Variants in RPH3A observed in about 807,000 individuals in gnomAD.
RPH3A encodes the protein rabphilin 3A.
In RPH3A, 48 loss-of-function variants were observed where a neutral mutation model predicts 102.2. That is an observed-to-expected ratio of 0.47 (90% confidence interval 0.37 to 0.60). RPH3A has a LOEUF of 0.60. Among genes scored for constraint, RPH3A ranks in the 20% least tolerant of loss-of-function variants. The pLI is 0.00. For missense variants in RPH3A, 781 were observed against 910.1 expected, an observed-to-expected ratio of 0.86 and a Z score of 1.83; for synonymous variants, 310 against 324.3, an observed-to-expected ratio of 0.96 and a Z score of 0.47.
chr12:112,747,366 G>C (rs1017466598), intron 1 of RPH3A, among the ~76,000 whole-genome samples: 1 of 152,076 alleles, frequency 6.6e-6, no homozygotes, highest in Admixed American at 6.6e-5. Context: ...CCAGGAAGTG[G>C]GTCCTCATCA....
intron 4 of RPH3A, among the ~76,000 whole-genome samples, chr12:112,843,620 C>T (rs1301192670): frequency 6.6e-6 from 1 of 152,196 alleles, no homozygotes; most frequent in African/African-American, 2.4e-5. Flanking sequence ...TTAGGTCAGG[C>T]TGGCTCCTGA....
intron 19 of RPH3A, among the ~76,000 whole-genome samples, chr12:112,891,615 T>A (rs1157245550): frequency 6.6e-6 from 1 of 152,166 alleles, no homozygotes; most frequent in Non-Finnish European, 1.5e-5. Context: ...AAGTCTGACC[T>A]GAGTGAGGGG....
intron 6 of RPH3A, 49 bp downstream of exon 6, chr12:112,865,592 G>T (rs2042598881): frequency 6.3e-7 from 1 of 1,595,046 alleles, no homozygotes; most frequent in African/African-American, 1.4e-5. Flanking sequence ...CCTGCAGAGG[G>T]GAAAGTCCTA....
At chr12:112,685,820 T>C (rs1197424298) in intron 1 of RPH3A, among the ~76,000 whole-genome samples, 3 of 152,224 alleles carry the variant, frequency 2.0e-5, no homozygotes, top group Non-Finnish European at 4.4e-5. Context: ...TGTCTGATGA[T>C]TTCTGGTTAC....
intron 1 of RPH3A, among the ~76,000 whole-genome samples, chr12:112,665,397 T>C (rs566347647): frequency 6.6e-6 from 1 of 152,348 alleles, no homozygotes; most frequent in South Asian, 2.1e-4. Flanking sequence ...CATATTGTCC[T>C]ACTGACTTTC....
intron 1 of RPH3A, among the ~76,000 whole-genome samples, chr12:112,680,407 G>T (rs1331192297): frequency 6.6e-6 from 1 of 152,118 alleles, no homozygotes; most frequent in East Asian, 1.9e-4. Context: ...CTGAGCACTT[G>T]CCATGTGCCA....
chr12:112,872,067 GT>G (rs2042718638), intron 10 of RPH3A, among the ~76,000 whole-genome samples: 1 of 152,114 alleles, frequency 6.6e-6, no homozygotes, highest in Non-Finnish European at 1.5e-5. Flanking sequence ...TATAAGTGAA[GT>G]TGCTGGATCA....
chr12:112,880,730 C>T (rs2042894643), intron 14 of RPH3A, among the ~76,000 whole-genome samples: 1 of 152,152 alleles, frequency 6.6e-6, no homozygotes, highest in African/African-American at 2.4e-5. Context: ...CTACTATTAG[C>T]CTACTGTTGC....
At chr12:112,641,501 AT>A (rs1362920488) in intron 1 of RPH3A, among the ~76,000 whole-genome samples, 1 of 152,210 alleles carries the variant, frequency 6.6e-6, no homozygotes, top group Non-Finnish European at 1.5e-5. Context: ...GGTTCAAGTG[AT>A]TCTTGTGCCT....
At chr12:112,875,604 G>A (rs1435279782) in intron 11 of RPH3A, 75 bp from the exon 12 acceptor site, 8 of 1,333,608 alleles carry the variant, frequency 6.0e-6, no homozygotes, top group East Asian at 2.3e-5. Flanking sequence ...CCTGTGAAAT[G>A]AAAAGGAAAA....
intron 2 of RPH3A, among the ~76,000 whole-genome samples, chr12:112,818,902 C>T (rs1481803751): frequency 6.6e-6 from 1 of 152,150 alleles, no homozygotes; most frequent in Admixed American, 6.5e-5. Flanking sequence ...CTCCCCAGCT[C>T]TGCCCTCAAA....
At chr12:112,751,735 G>A (rs760776292) in intron 1 of RPH3A, among the ~76,000 whole-genome samples, 1 of 152,098 alleles carries the variant, frequency 6.6e-6, no homozygotes, top group Non-Finnish European at 1.5e-5. Flanking sequence ...AGGCAACATA[G>A]GAAGACCCTG....
chr12:112,643,273 G>A (rs1194341258), intron 1 of RPH3A, among the ~76,000 whole-genome samples: 1 of 152,164 alleles, frequency 6.6e-6, no homozygotes, highest in Non-Finnish European at 1.5e-5. Context: ...TGGGTAGCGA[G>A]GATAGAACCA....
chr12:112,796,562 G>T lies in RPH3A; in HGVS notation c.-19+4299G>T, dbSNP rs189652486. Among the ~76,000 whole-genome samples, 426 of 152,362 alleles carry T rather than the reference G, an allele frequency of 2.8e-3. 2 individuals carry two copies. The highest frequency in any genetic ancestry group is 9.1e-3 in the African/African-American group (378 of 41,586). ...GAGGCCTGCATACAGTAGGTGCTCA[G>T]TTAGTATTGATTATGATGAGTCAGT... On this transcript the variant is annotated intron_variant, in intron 2 of 21. Transcript: ENST00000389385.
chr12:112,834,585 C>T (rs1055122576), intron 3 of RPH3A, among the ~76,000 whole-genome samples: 2 of 152,156 alleles, frequency 1.3e-5, no homozygotes, highest in African/African-American at 4.8e-5. Flanking sequence ...TTCCAGCTTC[C>T]CTACCACCTC....
At chr12:112,653,771 C>T (rs953434161) in intron 1 of RPH3A, among the ~76,000 whole-genome samples, 1 of 152,240 alleles carries the variant, frequency 6.6e-6, no homozygotes, top group Admixed American at 6.5e-5. Flanking sequence ...AATTTTGACT[C>T]TTGTGAAAAC....
chr12:112,596,811 T>C (rs2039520556), intron 1 of RPH3A, among the ~76,000 whole-genome samples: 1 of 152,226 alleles, frequency 6.6e-6, no homozygotes, highest in Non-Finnish European at 1.5e-5. Context: ...GGGGGACAAT[T>C]AAAATCATAA....
intron 1 of RPH3A, among the ~76,000 whole-genome samples, chr12:112,597,870 G>A (rs1200356023): frequency 6.6e-6 from 1 of 152,200 alleles, no homozygotes; most frequent in Non-Finnish European, 1.5e-5. Context: ...CAGAAAAGAG[G>A]ATTCCTAGAC....
At chr12:112,738,385 A>G (rs1021452869) in intron 1 of RPH3A, among the ~76,000 whole-genome samples, 3 of 151,932 alleles carry the variant, frequency 2.0e-5, no homozygotes, top group Non-Finnish European at 2.9e-5. Flanking sequence ...TTTTGGGTTT[A>G]TGGCCCACCC....
Sources: allele counts gnomAD v4.1 joint callset (sites outside exome capture counted in the v4.1 genomes callset), GRCh38; gene constraint gnomAD v4.1.1; transcripts MANE v1.5; gene names NCBI Gene and HGNC (gene_info 2026-07-23, HGNC 2026-07-21).